Variants in PPP1R42 observed in about 807,000 individuals in gnomAD.
PPP1R42 encodes protein phosphatase 1 regulatory subunit 42.
In PPP1R42, 34 loss-of-function variants were observed where a neutral mutation model predicts 31.0. That is an observed-to-expected ratio of 1.10 (90% CI 0.83 to 1.46). PPP1R42 has a LOEUF of 1.46. Among genes scored for constraint, PPP1R42 ranks in the 40% most tolerant of loss-of-function variants. PPP1R42 has a pLI of 0.00. For missense variants in PPP1R42, 268 were observed against 303.0 expected, an observed-to-expected ratio of 0.88 and a Z score of 0.86; for synonymous variants, 103 against 109.8, an observed-to-expected ratio of 0.94 and a Z score of 0.39.
intron 2 of PPP1R42, among the ~76,000 whole-genome samples, chr8:67,016,978 T>C (rs1816035030): frequency 6.6e-6 from 1 of 152,222 alleles, no homozygotes; most frequent in Non-Finnish European, 1.5e-5. Flanking sequence ...AAGTAATTAG[T>C]ATCTATGAAA....
intron 6 of PPP1R42, chr8:66,984,348 C>G (rs1473844170): frequency 2.3e-6 from 3 of 1,283,438 alleles, no homozygotes; most frequent in Admixed American, 1.7e-5. Context: ...GATCATCTCC[C>G]TTTGTGTTAG....
chr8:67,020,814 G>A (rs529746532), intron 1 of PPP1R42, among the ~76,000 whole-genome samples: 1 of 152,330 alleles, frequency 6.6e-6, no homozygotes, highest in African/African-American at 2.4e-5. Context: ...GCCGGGGGGC[G>A]GTGGTGCGTG....
intron 4 of PPP1R42, among the ~76,000 whole-genome samples, chr8:67,012,229 A>C (rs1164266502): frequency 1.3e-5 from 2 of 152,150 alleles, no homozygotes; most frequent in South Asian, 4.1e-4. Context: ...GGGTTTTTTT[A>C]ATTTTTAAAA....
chr8:67,026,275 T>C (rs1585696055), intron 1 of PPP1R42, among the ~76,000 whole-genome samples: 1 of 150,948 alleles, frequency 6.6e-6, no homozygotes, highest in Non-Finnish European at 1.5e-5. Context: ...GAGGCAGAGG[T>C]TGTGGTGAGC....
At chr8:66,984,315 A>C (rs1030694779) in intron 6 of PPP1R42, 2 of 1,296,912 alleles carry the variant, frequency 1.5e-6, no homozygotes, top group African/African-American at 2.9e-5. Context: ...TTTTCTTCAC[A>C]GCTTCCTCAT....
chr8:67,018,076 TC>T (rs1816070459), intron 1 of PPP1R42, among the ~76,000 whole-genome samples: 1 of 152,090 alleles, frequency 6.6e-6, no homozygotes, highest in East Asian at 1.9e-4. Flanking sequence ...CTTTTTTTCT[TC>T]CTGAGTAGTA....
rs377166553 is a variant in PPP1R42, at chr8:67,007,955, C to T, written c.552+2760G>A. 1.4e-4 allele frequency among the ~76,000 whole-genome samples: 20 copies of T among 143,116 alleles called. 1 individual carries two copies. The highest frequency in any genetic ancestry group is 1.0e-3 in the East Asian group (5 of 4,806). 93.9% of individuals were successfully genotyped at this position (143,116 alleles called of 152,430 possible). ...CAGGCTGGAATGCAGTGGCAGATCT[C>T]GGCTCACTGCAACCTTCGCCTCCCA... On this transcript the variant is annotated intron_variant, in intron 5 of 7. Coordinates refer to ENST00000685739, the MANE Select transcript of PPP1R42 (RefSeq NM_001364910.1).
intron 1 of PPP1R42, among the ~76,000 whole-genome samples, chr8:67,020,763 A>G (rs1191106637): frequency 6.6e-6 from 1 of 152,236 alleles, no homozygotes; most frequent in Non-Finnish European, 1.5e-5. Flanking sequence ...TCTTAACTGT[A>G]TCACCAGAAA....
intron 7 of PPP1R42, among the ~76,000 whole-genome samples, chr8:66,967,069 TG>T (rs1179980511): frequency 6.6e-6 from 1 of 152,178 alleles, no homozygotes; most frequent in Non-Finnish European, 1.5e-5. Context: ...CTTAACCTCC[TG>T]GGCTCAAGCA....
At chr8:67,008,122 G>C (rs1815740647) in intron 5 of PPP1R42, among the ~76,000 whole-genome samples, 1 of 151,676 alleles carries the variant, frequency 6.6e-6, no homozygotes, top group African/African-American at 2.4e-5. Context: ...TCCTGATTGA[G>C]TGTTGGTATT....
intron 7 of PPP1R42, among the ~76,000 whole-genome samples, chr8:66,965,318 T>A (rs948282378): frequency 6.6e-6 from 1 of 151,838 alleles, no homozygotes; most frequent in African/African-American, 2.4e-5. Flanking sequence ...TTGGTGATTA[T>A]GAATAATATT....
At chr8:67,001,350 A>T (rs1347111031) in intron 5 of PPP1R42, among the ~76,000 whole-genome samples, 2 of 149,118 alleles carry the variant, frequency 1.3e-5, no homozygotes, top group African/African-American at 4.9e-5. Flanking sequence ...CCCGGTTAAG[A>T]TTGGATTTAA....
intron 1 of PPP1R42, among the ~76,000 whole-genome samples, chr8:67,025,528 C>T (rs1388227859): frequency 6.6e-6 from 1 of 150,994 alleles, no homozygotes; most frequent in Non-Finnish European, 1.5e-5. Context: ...CAAAATCTTA[C>T]CTCTTCCATC....
chr8:66,976,607 T>G (rs1433329243), intron 7 of PPP1R42, among the ~76,000 whole-genome samples: 2 of 151,998 alleles, frequency 1.3e-5, no homozygotes, highest in South Asian at 4.1e-4. Context: ...AGATCAACTT[T>G]TTGGTTTTTT....
intron 7 of PPP1R42, among the ~76,000 whole-genome samples, chr8:66,973,857 T>C (rs1053964332): frequency 5.3e-5 from 8 of 152,226 alleles, no homozygotes; most frequent in African/African-American, 1.9e-4. Flanking sequence ...TTGACCTGGC[T>C]CATTTCACTT....
At chr8:67,027,607 A>G (rs112210385) in intron 1 of PPP1R42, among the ~76,000 whole-genome samples, 97 of 152,356 alleles carry the variant, frequency 6.4e-4, no homozygotes, top group African/African-American at 2.1e-3. Flanking sequence ...GTTAAAAACA[A>G]TATTAATTTA....
intron 5 of PPP1R42, among the ~76,000 whole-genome samples, chr8:66,989,177 G>T (rs1322200589): frequency 1.3e-5 from 2 of 151,872 alleles, no homozygotes; most frequent in Non-Finnish European, 2.9e-5. Context: ...ATAAATATTT[G>T]CATGTTTTTA....
intron 5 of PPP1R42, among the ~76,000 whole-genome samples, chr8:67,008,141 G>A (rs1815741088): frequency 6.6e-6 from 1 of 152,008 alleles, no homozygotes; most frequent in South Asian, 2.1e-4. Context: ...TTACAGGTGT[G>A]AGCCACCGCG....
At chr8:67,006,528 A>C (rs916697030) in intron 5 of PPP1R42, among the ~76,000 whole-genome samples, 2 of 151,994 alleles carry the variant, frequency 1.3e-5, no homozygotes, top group African/African-American at 4.8e-5. Context: ...CTAATTGCTA[A>C]TTTCTTTTTT....
Sources: gnomAD v4.1 joint callset for allele counts (sites outside exome capture counted in the v4.1 genomes callset) on GRCh38, gnomAD v4.1.1 for gene constraint, MANE v1.5 for transcripts, NCBI Gene and HGNC (gene_info 2026-07-23, HGNC 2026-07-21) for gene names.